TIGAR: variants seen among roughly 807,000 people sequenced by gnomAD.
TIGAR encodes the protein fructose-2,6-bisphosphatase TIGAR.
In TIGAR, 7 loss-of-function variants were observed where a neutral mutation model predicts 17.9. That is an observed-to-expected ratio of 0.39 (90% CI 0.22 to 0.73). TIGAR has a LOEUF of 0.73. Ranked by LOEUF, TIGAR falls within the 30% of genes least tolerant of loss-of-function variation. TIGAR has a pLI of 0.42. For missense variants in TIGAR, 258 were observed against 327.4 expected (o/e 0.79, Z 1.64); for synonymous variants, 94 against 108.6 (o/e 0.87, Z 0.84).
At chr12:4,349,132 A>C (rs1183792655) in intron 3 of TIGAR, among the ~76,000 whole-genome samples, 1 of 146,508 alleles carries the variant, frequency 6.8e-6, no homozygotes, top group African/African-American at 2.6e-5. Context: ...GTAAAGAGCC[A>C]GATAGTAATT....
At chr12:4,333,285 A>G (rs4766233) in intron 2 of TIGAR, among the ~76,000 whole-genome samples, 7,305 of 142,716 alleles carry the variant, frequency 0.051, 525 homozygotes, top group East Asian at 0.34. Context: ...GAAAATATAT[A>G]TAAGTTGTCT....
intron 3 of TIGAR, among the ~76,000 whole-genome samples, chr12:4,348,810 A>C (rs1864807827): frequency 6.6e-6 from 1 of 152,364 alleles, no homozygotes; most frequent in Non-Finnish European, 1.5e-5. Flanking sequence ...GTCGCTTGTC[A>C]ATCAAAAATT....
chr12:4,336,843 A>G (rs970654648), intron 2 of TIGAR, among the ~76,000 whole-genome samples, 196 bp from the exon 3 acceptor site: 1 of 152,222 alleles, frequency 6.6e-6, no homozygotes, highest in African/African-American at 2.4e-5. Context: ...TTGGAAAATA[A>G]TTGAATACCT....
Position 4,359,816 on chromosome 12 carries a change from A to G in TIGAR, c.*7125A>G, listed in dbSNP as rs1864955222. On this transcript the variant is annotated 3_prime_UTR_variant, in exon 6 of 6. Coordinates refer to ENST00000179259, the MANE Select transcript of TIGAR (RefSeq NM_020375.3). ...TTTTCCATGGTGGTTGTACCATTTCATGCTTATCAACAATGAGTTCTAGGT... is the reference window on the plus strand; with the variant it reads ...TTTTCCATGGTGGTTGTACCATTTCGTGCTTATCAACAATGAGTTCTAGGT... 6.6e-6 allele frequency among the ~76,000 whole-genome samples: 1 copy of G among 152,158 alleles called. No individual in the cohort carries two copies. Among genetic ancestry groups the G allele is most frequent in the African/African-American group, 2.4e-5 (1 of 41,426 alleles).
At chr12:4,325,356 C>T (rs1037999958) in intron 1 of TIGAR, among the ~76,000 whole-genome samples, 34 of 152,132 alleles carry the variant, frequency 2.2e-4, no homozygotes, top group African/African-American at 8.2e-4. Flanking sequence ...AAGCAAAATA[C>T]TATTAGCTCA....
Position 4,357,858 on chromosome 12 carries a change from C to T in TIGAR, c.*5167C>T, listed in dbSNP as rs1430415511. On this transcript the variant is annotated 3_prime_UTR_variant, in exon 6 of 6. Transcript: ENST00000179259. The stretch of plus-strand genomic sequence containing the variant: ...GTGGCTCGCACCTGTAATCCCAGCA[C>T]TTTGGGAGGCCAAGGCGGGCAGATC... Among the ~76,000 whole-genome samples the T allele has an allele frequency of 6.6e-6, 1 of 152,142 alleles. No individual in the cohort carries two copies. The highest frequency in any genetic ancestry group is 1.5e-5 in the Non-Finnish European group (1 of 68,024).
Position 4,355,538 on chromosome 12 carries a change from T to A in TIGAR, c.*2847T>A, listed in dbSNP as rs115361375. 4.6e-3 allele frequency among the ~76,000 whole-genome samples: 701 copies of A among 152,336 alleles called. 5 individuals carry two copies. Among genetic ancestry groups the A allele is most frequent in the African/African-American group, 0.016 (662 of 41,574 alleles). ...ATCAATTGGTCAATTTCCAGAAAAA[T>A]TCTGTTACAAATTTTATTGGAGTCA... is the stretch of plus-strand genomic sequence containing the variant. On this transcript the variant is annotated 3_prime_UTR_variant, in exon 6 of 6. Transcript: ENST00000179259.
chr12:4,325,348 G>A (rs1864533833), intron 1 of TIGAR, among the ~76,000 whole-genome samples: 1 of 152,084 alleles, frequency 6.6e-6, no homozygotes, highest in South Asian at 2.1e-4. Flanking sequence ...AATAAAGCAA[G>A]CAAAATACTA....
At chr12:4,346,621 G>C (rs1178864746) in intron 3 of TIGAR, among the ~76,000 whole-genome samples, 3 of 152,032 alleles carry the variant, frequency 2.0e-5, no homozygotes, top group African/African-American at 7.3e-5. Context: ...GGGGGGACGG[G>C]GGAGGGATAG....
At position 4,325,805 on chromosome 12, in the gene TIGAR, A is replaced by G. The variant is rs963137869; in HGVS notation, c.32+4502A>G. Reference sequence around the variant, plus strand: ...GTGTTACTAGCTCTTGAAATCTTCTATATTTGCAAATGAATGTATTAGTGT... The same window carrying G: ...GTGTTACTAGCTCTTGAAATCTTCTGTATTTGCAAATGAATGTATTAGTGT... On this transcript the variant is annotated intron_variant, in intron 1 of 5. Transcript: ENST00000179259. Among the ~76,000 whole-genome samples the G allele has an allele frequency of 3.3e-5, 5 of 151,890 alleles. No homozygotes were observed. In the South Asian group the frequency reaches 8.3e-4, roughly 25 times the overall value.
intron 3 of TIGAR, among the ~76,000 whole-genome samples, chr12:4,337,525 A>G (rs1014994314): frequency 6.6e-6 from 1 of 152,256 alleles, no homozygotes; most frequent in Non-Finnish European, 1.5e-5. Flanking sequence ...TATAATCTTG[A>G]AAAATCTGCT....
rs1335071583 is a variant in TIGAR, at chr12:4,357,104, C to T, written c.*4413C>T. 6.6e-6 allele frequency among the ~76,000 whole-genome samples: 1 copy of T among 152,194 alleles called. No homozygotes were observed. The highest frequency in any genetic ancestry group is 1.5e-5 in the Non-Finnish European group (1 of 68,030). Reference sequence around the variant, plus strand: ...AGGGGAAGCACATAAAGTAAGATATCCCTGAGAGAACAGTGCATCTCACAC... The same window carrying T: ...AGGGGAAGCACATAAAGTAAGATATTCCTGAGAGAACAGTGCATCTCACAC... On this transcript the variant is annotated 3_prime_UTR_variant, in exon 6 of 6. Coordinates refer to ENST00000179259, the MANE Select transcript of TIGAR (RefSeq NM_020375.3).
chr12:4,346,995 G>T (rs899165897), intron 3 of TIGAR, among the ~76,000 whole-genome samples: 2 of 152,078 alleles, frequency 1.3e-5, no homozygotes, highest in Non-Finnish European at 2.9e-5. Flanking sequence ...TTGGAGGGAG[G>T]TTCCTCAAAA....
At chr12:4,339,632 C>T (rs1259883522) in intron 3 of TIGAR, among the ~76,000 whole-genome samples, 1 of 152,092 alleles carries the variant, frequency 6.6e-6, no homozygotes, top group Non-Finnish European at 1.5e-5. Context: ...TGAAGATTGA[C>T]ACAAAAATCC....
At chr12:4,349,993 G>A in intron 4 of TIGAR, 97 bp downstream of exon 4, 7 of 802,532 alleles carry the variant, frequency 8.7e-6, no homozygotes, top group African/African-American at 1.8e-5. Context: ...TTCTGCTAGG[G>A]ATTTCGAATC....
rs148167681 is a variant in TIGAR, at chr12:4,354,120, A to G, written c.*1429A>G. 3.5e-3 allele frequency: 535 copies of G among 152,592 alleles called. 4 individuals are homozygous for G. The highest frequency in any genetic ancestry group is 0.012 in the African/African-American group (485 of 41,572). The allele number at this position is 152,592 out of a possible 1,614,324, so 9.5% of individuals were successfully genotyped here. On this transcript the variant is annotated 3_prime_UTR_variant, in exon 6 of 6. Coordinates refer to ENST00000179259, the MANE Select transcript of TIGAR (RefSeq NM_020375.3). ...AAAGAGGGTTAATACTAAAGTTGTC[A>G]GTTAAGGCTATAGTCACATATAGTC...
chr12:4,332,178 G>A (rs1338149825), intron 2 of TIGAR, among the ~76,000 whole-genome samples: 2 of 150,506 alleles, frequency 1.3e-5, no homozygotes, highest in Non-Finnish European at 3.0e-5. Flanking sequence ...TTGTCAGTTG[G>A]ATGCTTTAGT....
At chr12:4,337,536 A>T (rs1591662076) in intron 3 of TIGAR, among the ~76,000 whole-genome samples, 1 of 152,234 alleles carries the variant, frequency 6.6e-6, no homozygotes, top group African/African-American at 2.4e-5. Context: ...AAAATCTGCT[A>T]CCAGAGTCTG....
intron 3 of TIGAR, among the ~76,000 whole-genome samples, chr12:4,347,145 C>T (rs1186623291): frequency 2.0e-5 from 3 of 152,098 alleles, no homozygotes; most frequent in African/African-American, 7.2e-5. Context: ...TGGAAATAAT[C>T]CAAATGTCCA....
Sources: gnomAD v4.1 joint callset for allele counts (sites outside exome capture counted in the v4.1 genomes callset) on GRCh38, gnomAD v4.1.1 for gene constraint, MANE v1.5 for transcripts, NCBI Gene and HGNC (gene_info 2026-07-23, HGNC 2026-07-21) for gene names.